Variants in BNC2 observed in about 807,000 individuals in gnomAD.
BNC2 encodes the protein zinc finger protein basonuclin-2.
Under a neutral mutation model 76.3 loss-of-function variants are expected in BNC2, and 20 were observed. That is an observed-to-expected ratio of 0.26 (90% CI 0.18 to 0.38). BNC2 has a LOEUF of 0.38. Among genes scored for constraint, BNC2 ranks in the 10% least tolerant of loss-of-function variants. The pLI, the probability that BNC2 is intolerant of heterozygous loss-of-function variation, is 1.00. For synonymous variants in BNC2, 582 were observed against 514.8 expected (o/e 1.13, Z -1.77); for missense variants, 1,382 against 1,399.8 (o/e 0.99, Z 0.20).
chr9:16,779,301 CAAA>C (rs71327858), intron 1 of BNC2, among the ~76,000 whole-genome samples: 54 of 105,208 alleles, frequency 5.1e-4, no homozygotes, highest in South Asian at 6.5e-4. Context: ...GACCCTCTCT[CAAA>C]AAAAAAAAAA....
At chr9:16,663,818 A>T (rs79712163) in intron 3 of BNC2, among the ~76,000 whole-genome samples, 4,407 of 152,324 alleles carry the variant, frequency 0.029, 103 homozygotes, top group East Asian at 0.11. Context: ...AAGCAGACAC[A>T]TGAAAACAGA....
chr9:16,869,923 C>T (rs904260999), intron 1 of BNC2, among the ~76,000 whole-genome samples: 5 of 152,296 alleles, frequency 3.3e-5, no homozygotes, highest in Admixed American at 2.6e-4. Flanking sequence ...CCCCAGGCCC[C>T]AAATCCCACC....
intron 3 of BNC2, among the ~76,000 whole-genome samples, chr9:16,715,116 A>G (rs938154656): frequency 6.6e-6 from 1 of 152,230 alleles, no homozygotes; most frequent in African/African-American, 2.4e-5. Context: ...AGGTGAGACG[A>G]AAAGCTTTTT....
chr9:16,641,072 T>C (rs918729179), intron 3 of BNC2, among the ~76,000 whole-genome samples: 4 of 152,250 alleles, frequency 2.6e-5, no homozygotes, highest in African/African-American at 4.8e-5. Flanking sequence ...TGCATGAGAA[T>C]TACTGGATAA....
intron 1 of BNC2, chr9:16,832,306 G>A (rs1818594550): frequency 7.8e-7 from 1 of 1,275,582 alleles, no homozygotes; most frequent in Non-Finnish European, 1.0e-6. Context: ...GTTATCAAGG[G>A]AAAAGAAGCC....
intron 3 of BNC2, among the ~76,000 whole-genome samples, chr9:16,725,781 T>C (rs996517952): frequency 6.6e-6 from 1 of 152,194 alleles, no homozygotes; most frequent in Non-Finnish European, 1.5e-5. Context: ...ATCATTTATA[T>C]TACTTTATTT....
rs1032428985 is a variant in BNC2 at position 16,823,498 on chromosome 9, G to C, written c.3+47148C>G. ...TGTCCCTGTGTTCCCAGCTACCTGA[G>C]AGGCTGAGATAGGAGGATCGCTTGA... is the stretch of plus-strand genomic sequence containing the variant. On this transcript the variant is annotated intron_variant, in intron 1 of 6. Coordinates refer to ENST00000380672, the MANE Select transcript of BNC2 (RefSeq NM_017637.6). Among the ~76,000 whole-genome samples, 20 of 151,442 alleles carry C rather than the reference G, an allele frequency of 1.3e-4. 1 individual carries two copies. The highest frequency in any genetic ancestry group is 2.9e-5 in the Non-Finnish European group (2 of 67,904).
intron 3 of BNC2, among the ~76,000 whole-genome samples, chr9:16,725,312 A>G (rs1824279858): frequency 6.6e-6 from 1 of 152,120 alleles, no homozygotes; most frequent in Non-Finnish European, 1.5e-5. Flanking sequence ...AAATATGAAC[A>G]GCACACATAC....
intron 3 of BNC2, among the ~76,000 whole-genome samples, chr9:16,662,007 G>A (rs936460297): frequency 6.6e-5 from 10 of 152,086 alleles, no homozygotes; most frequent in Non-Finnish European, 1.5e-4. Flanking sequence ...TAGTTATTTC[G>A]AACAGCTGCC....
In BNC2 at chr9:16,444,484, G is replaced by A. The variant is rs142281278; in HGVS notation, c.670-6960C>T. 8.5e-5 allele frequency among the ~76,000 whole-genome samples: 13 copies of A among 152,218 alleles called. No individual in the cohort carries two copies. The East Asian group carries it at 2.5e-3, about 30-fold the overall frequency. On this transcript the variant is annotated intron_variant, in intron 5 of 6. Transcript: ENST00000380672. ...GCTGACCTCTTGGTTAGGTGGACAT[G>A]TATCAGAATGTGACCCAGAAATTAG...
intron 1 of BNC2, among the ~76,000 whole-genome samples, chr9:16,767,143 G>T (rs1825717749): frequency 6.6e-6 from 1 of 152,196 alleles, no homozygotes; most frequent in African/African-American, 2.4e-5. Flanking sequence ...GGGATGAAAT[G>T]TACAGCCAAC....
chr9:16,548,127 G>C (rs1818545481), intron 5 of BNC2, among the ~76,000 whole-genome samples: 1 of 152,144 alleles, frequency 6.6e-6, no homozygotes, highest in African/African-American at 2.4e-5. Context: ...CTGAATTCTG[G>C]CAGGACCCAC....
intron 1 of BNC2, among the ~76,000 whole-genome samples, chr9:16,848,805 T>TACC (rs1202987297): frequency 6.6e-6 from 1 of 152,222 alleles, no homozygotes; most frequent in Non-Finnish European, 1.5e-5. Context: ...ACTTTTTGAG[T>TACC]ACCAACATGT....
chr9:16,819,269 A>T (rs1385861689), intron 1 of BNC2, among the ~76,000 whole-genome samples: 1 of 152,246 alleles, frequency 6.6e-6, no homozygotes, highest in Non-Finnish European at 1.5e-5. Context: ...TATTTAAAAA[A>T]TACTAGTTGG....
At chr9:16,771,894 A>G (rs1303334542) in intron 1 of BNC2, among the ~76,000 whole-genome samples, 2 of 152,224 alleles carry the variant, frequency 1.3e-5, no homozygotes, top group Admixed American at 1.3e-4. Context: ...TAGCAAGCAC[A>G]GTTTTAAGTT....
chr9:16,666,989 T>C (rs578112132), intron 3 of BNC2, among the ~76,000 whole-genome samples: 1 of 151,744 alleles, frequency 6.6e-6, no homozygotes, highest in South Asian at 2.1e-4. Flanking sequence ...TCTGAAAAAA[T>C]TTAAAACCAA....
chr9:16,605,562 T>C lies in BNC2; in HGVS notation c.331-22477A>G, dbSNP rs373563288. The stretch of plus-strand genomic sequence containing the variant: ...TTTAAGTCCCATGACTACTGTTAAG[T>C]AACAAGTGCTACATAAAACTGTTTT... On this transcript the variant is annotated intron_variant, in intron 3 of 6. Transcript: ENST00000380672. Among the ~76,000 whole-genome samples the C allele has an allele frequency of 5.3e-4, 81 of 152,302 alleles. 1 individual carries two copies. The South Asian group carries it at 0.016, about 30-fold the overall frequency.
In BNC2 at chr9:16,539,768, A is replaced by AAAGGAAAG. The variant is rs1563831014; in HGVS notation, c.669+12761_669+12762insCTTTCCTT. ...GGGAAGGGAAGGAAAGGAAAGGAAA[A>AAAGGAAAG]GAAAGGAAAGGAAAGGAAAGGAAAG... On this transcript the variant is annotated intron_variant, in intron 5 of 6. Coordinates refer to ENST00000380672, the MANE Select transcript of BNC2 (RefSeq NM_017637.6). Among the ~76,000 whole-genome samples the AAAGGAAAG allele has an allele frequency of 3.4e-4, 20 of 58,986 alleles. 1 individual carries two copies. Among genetic ancestry groups the AAAGGAAAG allele is most frequent in the Non-Finnish European group, 4.0e-4 (12 of 29,826 alleles). The allele number at this position is 58,986 out of a possible 152,430, so 38.7% of individuals were successfully genotyped here. A position where few individuals can be genotyped will look rare whatever the true frequency, so the allele number is the denominator to read the frequency against.
intron 6 of BNC2, among the ~76,000 whole-genome samples, chr9:16,430,789 A>AAATACACATGTCTTCCGCCATAGG (rs1166349047): frequency 6.6e-6 from 1 of 152,242 alleles, no homozygotes; most frequent in Non-Finnish European, 1.5e-5. Flanking sequence ...TTAATACATC[A>AAATACACATGTCTTCCGCCATAGG]AATACACATG....
Sources: gnomAD v4.1 joint callset for allele counts (sites outside exome capture counted in the v4.1 genomes callset) on GRCh38, gnomAD v4.1.1 for gene constraint, MANE v1.5 for transcripts, NCBI Gene and HGNC (gene_info 2026-07-23, HGNC 2026-07-21) for gene names.